PIAS1: variants seen among roughly 807,000 people sequenced by gnomAD.
PIAS1 encodes the protein protein inhibitor of activated STAT 1, also known as E3 SUMO-protein ligase PIAS1.
A neutral mutation model predicts 71.3 loss-of-function variants in PIAS1; 6 were observed. The ratio of observed to expected loss-of-function variants is 0.08; its 90% CI spans 0.05 to 0.17. The LOEUF (loss-of-function observed/expected upper bound fraction) is 0.17, where lower values mean the gene tolerates loss of function less well. Among genes scored for constraint, PIAS1 ranks in the 10% least tolerant of loss-of-function variants. PIAS1 has a pLI of 1.00. For missense variants in PIAS1, 555 were observed against 793.6 expected (o/e 0.70, Z 3.61); for synonymous variants, 303 against 292.9 (o/e 1.03, Z -0.35).
At chr15:68,115,857 CCTT>C (rs796208051) in intron 2 of PIAS1, among the ~76,000 whole-genome samples, 1 of 152,044 alleles carries the variant, frequency 6.6e-6, no homozygotes, top group South Asian at 2.1e-4. Flanking sequence ...GGTGAACCAG[CCTT>C]GTATTTTTGC....
intron 2 of PIAS1, among the ~76,000 whole-genome samples, chr15:68,126,012 T>C (rs1175062838): frequency 6.6e-6 from 1 of 151,962 alleles, no homozygotes; most frequent in African/African-American, 2.4e-5. Context: ...GTTTCTGATC[T>C]TTTTCTGTAA....
chr15:68,095,286 A>T (rs745539712), intron 2 of PIAS1, among the ~76,000 whole-genome samples: 1 of 152,086 alleles, frequency 6.6e-6, no homozygotes, highest in African/African-American at 2.4e-5. Context: ...AGAATTTAAC[A>T]GCGAATTCTG....
rs772054968 is a variant in PIAS1, at chr15:68,181,361, C to G, written c.1624+7C>G. ...ATGCCTTACGACTTACAAGGTGAGT[C>G]ACTGGTTCTTCTACATTGTCACATA... On this transcript the variant is annotated splice_region_variant and intron_variant, in intron 12 of 13. Transcript: ENST00000249636. 7 of 1,612,368 alleles carry G rather than the reference C, an allele frequency of 4.3e-6. No individual in the cohort carries two copies. The highest frequency in any genetic ancestry group is 1.3e-5 in the African/African-American group (1 of 74,876).
intron 2 of PIAS1, among the ~76,000 whole-genome samples, chr15:68,103,332 C>CTT (rs11306018): frequency 6.9e-6 from 1 of 145,956 alleles, no homozygotes; most frequent in African/African-American, 2.5e-5. Flanking sequence ...TATTATTATC[C>CTT]TTTTTTTTTT....
chr15:68,085,698 C>T (rs927724311), intron 1 of PIAS1, among the ~76,000 whole-genome samples: 19 of 152,002 alleles, frequency 1.2e-4, no homozygotes, highest in African/African-American at 3.6e-4. Context: ...TAATACCTTG[C>T]GGAGTTGTAA....
At chr15:68,057,517 A>T (rs993448951) in intron 1 of PIAS1, 5 of 441,502 alleles carry the variant, frequency 1.1e-5, no homozygotes, top group African/African-American at 2.0e-5. Context: ...TCAGCATTTT[A>T]GTGGAGTAAA....
In PIAS1 at chr15:68,189,032, CTT is replaced by C. The variant is rs2093105753; in HGVS notation, c.*1199_*1200del. On this transcript the variant is annotated 3_prime_UTR_variant, in exon 14 of 14. Coordinates refer to ENST00000249636, the MANE Select transcript of PIAS1 (RefSeq NM_016166.3). The stretch of plus-strand genomic sequence containing the variant: ...TGTTTGACCCTTAGTCATTTTTACT[CTT>C]TGGTTCTGAGTATACCTATTTTCTT... 2 of 152,166 alleles carry C rather than the reference CTT, an allele frequency of 1.3e-5. No individual in the cohort carries two copies. The highest frequency in any genetic ancestry group is 4.1e-4 in the South Asian group (2 of 4,832). The allele number at this position is 152,166 out of a possible 1,614,324, so 9.4% of individuals were successfully genotyped here.
chr15:68,092,862 T>G (rs1392971542), intron 2 of PIAS1, among the ~76,000 whole-genome samples: 1 of 152,254 alleles, frequency 6.6e-6, no homozygotes, highest in Non-Finnish European at 1.5e-5. Flanking sequence ...TTCTGTTGTT[T>G]ATAAATTATC....
intron 1 of PIAS1, among the ~76,000 whole-genome samples, chr15:68,068,008 A>G (rs1396526223): frequency 6.6e-6 from 1 of 152,192 alleles, no homozygotes; most frequent in Non-Finnish European, 1.5e-5. Context: ...TAAATTTCCA[A>G]ATTTACTGTA....
intron 1 of PIAS1, among the ~76,000 whole-genome samples, chr15:68,071,870 C>T (rs1445499399): frequency 9.2e-5 from 14 of 151,802 alleles, no homozygotes; most frequent in Admixed American, 9.2e-4. Flanking sequence ...GCTGCTTGAG[C>T]CTGGGAGGTC....
chr15:68,081,467 GTC>G (rs1248637069), intron 1 of PIAS1, among the ~76,000 whole-genome samples: 1 of 152,100 alleles, frequency 6.6e-6, no homozygotes, highest in Non-Finnish European at 1.5e-5. Flanking sequence ...GCCCAGGATT[GTC>G]TCTCATTTAA....
intron 2 of PIAS1, among the ~76,000 whole-genome samples, chr15:68,116,687 C>CT (rs961926153): frequency 6.6e-6 from 1 of 151,548 alleles, no homozygotes; most frequent in Non-Finnish European, 1.5e-5. Context: ...GATTTAAGAC[C>CT]TTTTTTTTCT....
intron 7 of PIAS1, among the ~76,000 whole-genome samples, chr15:68,159,462 G>A (rs977918177): frequency 3.9e-5 from 6 of 152,050 alleles, no homozygotes; most frequent in Non-Finnish European, 7.4e-5. Flanking sequence ...ACCCCAGAAA[G>A]TTCATCTGTG....
rs1490715905 is a variant in PIAS1, at chr15:68,127,494, A to G, written c.470-14452A>G. Among the ~76,000 whole-genome samples the G allele has an allele frequency of 2.0e-5, 3 of 152,172 alleles. No individual in the cohort carries two copies. The East Asian group carries it at 5.8e-4, about 29-fold the overall frequency. Reference sequence around the variant, plus strand: ...CAGTTCTCCTATTTCACTCAGCTTCACTGCTAGTTGAGGATGCGTTTTTCT... The same window carrying G: ...CAGTTCTCCTATTTCACTCAGCTTCGCTGCTAGTTGAGGATGCGTTTTTCT... On this transcript the variant is annotated intron_variant, in intron 2 of 13. Transcript: ENST00000249636.
chr15:68,183,482 G>A (rs1349306417), intron 12 of PIAS1, 148 bp from the exon 13 acceptor site: 2 of 561,702 alleles, frequency 3.6e-6, no homozygotes, highest in Non-Finnish European at 6.6e-6. Context: ...AAGGAGAGAC[G>A]TAAAACGTTT....
At position 68,189,378 on chromosome 15, in the gene PIAS1, C is replaced by G. The variant is rs2093107904; in HGVS notation, c.*1543C>G. 1.3e-5 allele frequency: 2 copies of G among 152,218 alleles called. No individual in the cohort carries two copies. The highest frequency in any genetic ancestry group is 2.9e-5 in the Non-Finnish European group (2 of 68,010). The allele number at this position is 152,218 out of a possible 1,614,324, so 9.4% of individuals were successfully genotyped here. On this transcript the variant is annotated 3_prime_UTR_variant, in exon 14 of 14. Transcript: ENST00000249636. ...TGCTGGTTTTCCAGACTGGATTTTC[C>G]TACCGCAACTATTAATGTTCTCAGA... is the stretch of plus-strand genomic sequence containing the variant.
At chr15:68,113,997 T>G (rs1280527312) in intron 2 of PIAS1, among the ~76,000 whole-genome samples, 2 of 151,120 alleles carry the variant, frequency 1.3e-5, no homozygotes, top group East Asian at 3.9e-4. Context: ...TCTGTCTCTC[T>G]CTTGCTCTAG....
chr15:68,058,716 G>C, intron 1 of PIAS1, among the ~76,000 whole-genome samples: 1 of 152,152 alleles, frequency 6.6e-6, no homozygotes, highest in Non-Finnish European at 1.5e-5. Context: ...GTATCATTTT[G>C]CTTGAGAAAA....
At position 68,178,236 on chromosome 15, in the gene PIAS1, C is replaced by G. The variant is rs568182170; in HGVS notation, c.1481+1582C>G. On this transcript the variant is annotated intron_variant, in intron 11 of 13. Transcript: ENST00000249636. The surrounding 1 kb of genome is among the most constrained non-coding windows in gnomAD (Gnocchi z 4.2). ...AGTGAGCTAAGATCGTGCCACTGCA[C>G]TCCAACCTGGGTGACAGAATGAGAC... Among the ~76,000 whole-genome samples the G allele has an allele frequency of 6.6e-6, 1 of 152,246 alleles. No individual in the cohort carries two copies. The highest frequency in any genetic ancestry group is 1.9e-4 in the East Asian group (1 of 5,182).
Sources: gnomAD v4.1 joint callset for allele counts (sites outside exome capture counted in the v4.1 genomes callset) on GRCh38, gnomAD v4.1.1 for gene constraint, Gnocchi (gnomAD v3.1) non-coding constraint, MANE v1.5 for transcripts, NCBI Gene and HGNC (gene_info 2026-07-23, HGNC 2026-07-21) for gene names.